The following WNK1 variants were observed in gnomAD, a reference collection of about 807,000 sequenced individuals.
WNK1 encodes WNK lysine deficient protein kinase 1.
Under a neutral mutation model 222.8 loss-of-function variants are expected in WNK1, and 38 were observed. The observed-to-expected ratio is 0.17, with a 90% CI of 0.13 to 0.22. The LOEUF (loss-of-function observed/expected upper bound fraction) is 0.22. Ranked by LOEUF, WNK1 falls within the 10% of genes least tolerant of loss-of-function variation. The pLI, the probability that WNK1 is intolerant of heterozygous loss-of-function variation, is 1.00. For missense variants in WNK1, 2,348 were observed against 2,918.4 expected (o/e 0.80, Z 4.50); for synonymous variants, 1,090 against 1,092.9 (o/e 1.00, Z 0.05).
intron 22 of WNK1, among the ~76,000 whole-genome samples, chr12:891,602 C>CTTTTTTTTTT (rs71441624): frequency 2.4e-5 from 3 of 125,968 alleles, no homozygotes; most frequent in South Asian, 2.5e-4. Flanking sequence ...GATTTTTTTT[C>CTTTTTTTTTT]TTTTTTTTTT....
rs772228715 is a variant in WNK1, at chr12:883,620, A to G, written c.3663+52A>G. 5.0e-6 allele frequency: 8 copies of G among 1,611,800 alleles called. No homozygotes were observed. The African/African-American group carries it at 8.0e-5, about 16-fold the overall frequency. On this transcript the variant is annotated intron_variant, in intron 16 of 27. Transcript: ENST00000315939. ...CTTTGTTGATTTAAAATATTTTCAT[A>G]GTTCTAAATTTGCTATGCAAAATGT...
chr12:776,068 C>A (rs1025855153), intron 1 of WNK1, among the ~76,000 whole-genome samples: 5 of 152,198 alleles, frequency 3.3e-5, no homozygotes, highest in African/African-American at 9.6e-5. Flanking sequence ...GGATCTCATT[C>A]TGTGGCCCAG....
chr12:842,703 T>C (rs1217248724), intron 4 of WNK1, among the ~76,000 whole-genome samples: 1 of 152,192 alleles, frequency 6.6e-6, no homozygotes, highest in African/African-American at 2.4e-5. Context: ...TTTGAATTTC[T>C]TGAGGGAAGG....
At chr12:906,216 C>A in intron 26 of WNK1, 1 of 757,440 alleles carries the variant, frequency 1.3e-6, no homozygotes, top group Non-Finnish European at 1.6e-6. Context: ...TATTCTGTAA[C>A]ACGTGAGATC....
At chr12:893,346 G>A (rs974701699) in intron 22 of WNK1, among the ~76,000 whole-genome samples, 2 of 152,100 alleles carry the variant, frequency 1.3e-5, no homozygotes, top group Non-Finnish European at 1.5e-5. Flanking sequence ...TATATACATA[G>A]GGTATGACAC....
At chr12:857,036 G>C (rs2154061648) in intron 4 of WNK1, 125 bp from the exon 5 acceptor site, 1 of 927,810 alleles carries the variant, frequency 1.1e-6, no homozygotes, top group South Asian at 1.4e-5. Flanking sequence ...ACCAACTCCT[G>C]CAGGCGAGTC....
intron 4 of WNK1, among the ~76,000 whole-genome samples, chr12:849,883 C>T (rs1252306912): frequency 6.6e-6 from 1 of 152,138 alleles, no homozygotes; most frequent in South Asian, 2.1e-4. Flanking sequence ...CATGTCCCTA[C>T]AAAGGACATG....
Position 761,798 on chromosome 12 carries a change from G to C in WNK1, c.759+7474G>C, listed in dbSNP as rs185473727. ...GACTGGTAGATTATTGTGGATTAAGGTAAATCGGGAAATGCAACAGATTTA... is the reference window on the plus strand; with the variant it reads ...GACTGGTAGATTATTGTGGATTAAGCTAAATCGGGAAATGCAACAGATTTA... On this transcript the variant is annotated intron_variant, in intron 1 of 27. Transcript: ENST00000315939. Among the ~76,000 whole-genome samples, 125 of 147,358 alleles carry C rather than the reference G, an allele frequency of 8.5e-4. 1 individual carries two copies. The highest frequency in any genetic ancestry group is 2.9e-3 in the African/African-American group (120 of 41,150).
In WNK1 at chr12:839,373, A is replaced by G. The variant is rs146412838; in HGVS notation, c.1311+9213A>G. Among the ~76,000 whole-genome samples, 345 of 152,342 alleles carry G rather than the reference A, an allele frequency of 2.3e-3. 1 individual carries two copies. The highest frequency in any genetic ancestry group is 6.0e-3 in the African/African-American group (251 of 41,580). On this transcript the variant is annotated intron_variant, in intron 4 of 27. Transcript: ENST00000315939. ...TTAGAAAGATTATTTCTGACTGCAGAGTGGAGAATGGATTTCTGAGGAAAG... is the reference window on the plus strand; with the variant it reads ...TTAGAAAGATTATTTCTGACTGCAGGGTGGAGAATGGATTTCTGAGGAAAG...
chr12:788,271 T>C (rs1196384905), intron 1 of WNK1, among the ~76,000 whole-genome samples: 2 of 152,170 alleles, frequency 1.3e-5, no homozygotes, highest in African/African-American at 4.8e-5. Context: ...CCATCACAGA[T>C]GAGTATATTA....
chr12:830,212 T>C (rs762280628), intron 4 of WNK1, 52 bp downstream of exon 4: 14 of 1,591,858 alleles, frequency 8.8e-6, no homozygotes, highest in Non-Finnish European at 1.0e-5. Flanking sequence ...TAACAAAGAA[T>C]CCCAAGGTGG....
rs11433731 is a variant in WNK1 at position 900,016 on chromosome 12, C to CTTT, written c.6449-443_6449-441dup. 4.0e-3 allele frequency among the ~76,000 whole-genome samples: 478 copies of CTTT among 119,578 alleles called. 15 individuals carry two copies. Among genetic ancestry groups the CTTT allele is most frequent in the East Asian group, 0.028 (115 of 4,160 alleles). 78.4% of individuals were successfully genotyped at this position (119,578 alleles called of 152,430 possible). ...GGCCCTATTACCTATGGATTCTTTT[C>CTTT]TTTTTTTTTTTTTTTTTTTGAGTGC... On this transcript the variant is annotated intron_variant, in intron 25 of 27. Coordinates refer to ENST00000315939, the MANE Select transcript of WNK1 (RefSeq NM_018979.4).
Position 868,254 on chromosome 12 carries a change from A to G in WNK1, c.2140-3011A>G, listed in dbSNP as rs375482581. The G allele has an allele frequency of 6.2e-7, 1 of 1,601,952 alleles. No individual in the cohort carries two copies. Among genetic ancestry groups the G allele is most frequent in the Non-Finnish European group, 8.5e-7 (1 of 1,173,490 alleles). ...CTAGTACTTCCAGAAGAAGCTCACTATTTTATTCCTCAGGAAGCAGTGTAT... is the reference window on the plus strand; with the variant it reads ...CTAGTACTTCCAGAAGAAGCTCACTGTTTTATTCCTCAGGAAGCAGTGTAT... On this transcript the variant is annotated intron_variant, in intron 8 of 27. Coordinates refer to ENST00000315939, the MANE Select transcript of WNK1 (RefSeq NM_018979.4).
chr12:863,803 G>C (rs563945267), intron 8 of WNK1, among the ~76,000 whole-genome samples: 328 of 152,106 alleles, frequency 2.2e-3, no homozygotes, highest in African/African-American at 7.6e-3. Context: ...TCAGGAATGT[G>C]GCTTACAATA....
At chr12:878,059 A>G (rs538016769) in intron 9 of WNK1, 153 bp from the exon 10 acceptor site, 22 of 932,508 alleles carry the variant, frequency 2.4e-5, no homozygotes, top group South Asian at 1.5e-4. Flanking sequence ...AAACAAATAT[A>G]TAATGGAAAT....
chr12:838,763 C>T (rs1040417816), intron 4 of WNK1, among the ~76,000 whole-genome samples: 1 of 152,104 alleles, frequency 6.6e-6, no homozygotes, highest in African/African-American at 2.4e-5. Context: ...TAAGGACCCA[C>T]ACTGCTCCTG....
intron 1 of WNK1, among the ~76,000 whole-genome samples, chr12:787,696 TC>T (rs1944443966): frequency 6.6e-6 from 1 of 152,156 alleles, no homozygotes; most frequent in Non-Finnish European, 1.5e-5. Context: ...TGTAGGCTGC[TC>T]TGTTGTAAAG....
chr12:868,202 C>G, intron 8 of WNK1: 1 of 1,613,380 alleles, frequency 6.2e-7, no homozygotes, highest in Non-Finnish European at 8.5e-7. Flanking sequence ...TGAACCATCT[C>G]AAGTTTACAG....
chr12:788,665 G>A (rs1944546211), intron 1 of WNK1, among the ~76,000 whole-genome samples: 2 of 152,288 alleles, frequency 1.3e-5, no homozygotes, highest in East Asian at 1.9e-4. Flanking sequence ...GAGGCAAGTG[G>A]ATCACAAAGT....
Sources: gnomAD v4.1 joint callset for allele counts (sites outside exome capture counted in the v4.1 genomes callset) on GRCh38, gnomAD v4.1.1 for gene constraint, MANE v1.5 for transcripts, NCBI Gene and HGNC (gene_info 2026-07-23, HGNC 2026-07-21) for gene names.